Variants in MTA3 observed in about 807,000 individuals in gnomAD.
The protein encoded by MTA3 is metastasis-associated protein MTA3.
A neutral mutation model predicts 83.5 loss-of-function variants in MTA3; 34 were observed. The observed-to-expected ratio is 0.41, with a 90% CI of 0.31 to 0.54. MTA3 has a LOEUF of 0.54. Ranked by LOEUF, MTA3 falls within the 20% of genes least tolerant of loss-of-function variation. MTA3 has a pLI of 0.33. For synonymous variants in MTA3, 303 were observed against 252.7 expected (o/e 1.20, Z -1.89); for missense variants, 761 against 726.4 (o/e 1.05, Z -0.55).
intron 3 of MTA3, among the ~76,000 whole-genome samples, chr2:42,589,811 T>A (rs182699742): frequency 1.3e-5 from 2 of 152,308 alleles, no homozygotes; most frequent in African/African-American, 2.4e-5. Flanking sequence ...CTTTTTGATA[T>A]CTGGGTTAGA....
chr2:42,588,722 C>T (rs1004168198), intron 3 of MTA3, among the ~76,000 whole-genome samples: 16 of 151,648 alleles, frequency 1.1e-4, no homozygotes, highest in African/African-American at 3.1e-4. Context: ...GTGTTTTACC[C>T]GAGAAAGAGA....
In MTA3 at chr2:42,754,051, A is replaced by G. The variant is rs907562749; in HGVS notation, c.*652A>G. 2.0e-6 allele frequency: 2 copies of G among 985,492 alleles called. No individual in the cohort carries two copies. Among genetic ancestry groups the G allele is most frequent in the South Asian group, 9.4e-5 (2 of 21,298 alleles). 61.0% of individuals were successfully genotyped at this position (985,492 alleles called of 1,614,324 possible). ...GAACAGAATTACCGAGGTTCTGACA[A>G]AAGATAAGCCTGTAAACTCATCATC... On this transcript the variant is annotated 3_prime_UTR_variant, in exon 17 of 17. Coordinates refer to ENST00000405094, the MANE Select transcript of MTA3 (RefSeq NM_001330442.2).
At chr2:42,650,737 GT>G (rs1688644341) in intron 6 of MTA3, among the ~76,000 whole-genome samples, 1 of 152,112 alleles carries the variant, frequency 6.6e-6, no homozygotes, top group Non-Finnish European at 1.5e-5. Flanking sequence ...GATTGTGTTT[GT>G]TTTTATGGTA....
intron 8 of MTA3, among the ~76,000 whole-genome samples, chr2:42,666,397 G>A (rs1256956283): frequency 6.6e-6 from 1 of 152,146 alleles, no homozygotes; most frequent in Admixed American, 6.5e-5. Context: ...TGGTACTGTA[G>A]TCAACAAAAC....
intron 12 of MTA3, among the ~76,000 whole-genome samples, chr2:42,706,685 A>G (rs918898476): frequency 3.3e-5 from 5 of 152,230 alleles, no homozygotes; most frequent in African/African-American, 9.6e-5. Flanking sequence ...CTTCAGATCT[A>G]TCACACATGT....
chr2:42,618,714 C>T (rs958304841), intron 4 of MTA3, among the ~76,000 whole-genome samples: 2 of 152,032 alleles, frequency 1.3e-5, no homozygotes. Context: ...CTCAAGTGAT[C>T]CTCCTGCCTC....
rs575314148 is a variant in MTA3 at position 42,518,840 on chromosome 2, C to T, written c.-141+23586C>T. ...AATTAGCCAGGCATGGTGGGGCGAG[C>T]CTGTCGCCCCAGCTACTTGGGAGGC... On this transcript the variant is annotated intron_variant, in intron 2 of 17. Coordinates refer to the MTA3 transcript ENST00000405592. Among the ~76,000 whole-genome samples, 5 of 152,080 alleles carry T rather than the reference C, an allele frequency of 3.3e-5. No homozygotes were observed. In the East Asian group the frequency reaches 7.7e-4, roughly 24 times the overall value.
intron 3 of MTA3, among the ~76,000 whole-genome samples, chr2:42,607,103 T>TAG (rs1223992741): frequency 6.7e-6 from 1 of 150,060 alleles, no homozygotes; most frequent in Non-Finnish European, 1.5e-5. Context: ...GGGGTAGAGG[T>TAG]AGAGGTAGAG....
rs532573486 is a variant in MTA3, at chr2:42,520,646, T to C, written c.-141+25392T>C. ...TCCAGGCTGGAGTCCAGTGGCCTGA[T>C]CATGAACCTGCTGGGTTCAGGTGAT... On this transcript the variant is annotated intron_variant, in intron 2 of 17. Transcript: ENST00000405592. Among the ~76,000 whole-genome samples the C allele has an allele frequency of 6.6e-5, 10 of 151,998 alleles. No individual in the cohort carries two copies. In the South Asian group the frequency reaches 1.2e-3, roughly 19 times the overall value.
At chr2:42,555,439 G>C (rs1677332885) in intron 2 of MTA3, among the ~76,000 whole-genome samples, 2 of 120,504 alleles carry the variant, frequency 1.7e-5, no homozygotes, top group South Asian at 3.1e-4. Context: ...TGGGCAACAA[G>C]AGCGAAACTC....
intron 16 of MTA3, among the ~76,000 whole-genome samples, chr2:42,729,101 T>G (rs1056057096): frequency 1.6e-5 from 2 of 124,578 alleles, no homozygotes; most frequent in East Asian, 2.1e-4. Flanking sequence ...TTTTTTTTTT[T>G]TTTTTTTTTT....
intron 7 of MTA3, among the ~76,000 whole-genome samples, chr2:42,659,105 A>G (rs534690027): frequency 4.6e-5 from 7 of 152,220 alleles, no homozygotes; most frequent in Admixed American, 1.3e-4. Flanking sequence ...CTCAAAAAAT[A>G]AAAATAATAA....
At chr2:42,672,639 C>A (rs1240834144) in intron 8 of MTA3, among the ~76,000 whole-genome samples, 3 of 77,252 alleles carry the variant, frequency 3.9e-5, no homozygotes, top group African/African-American at 1.8e-4. Flanking sequence ...AGCAAGATTC[C>A]ATCTCCAAAA....
At chr2:42,540,405 C>T (rs1295829611) in intron 2 of MTA3, among the ~76,000 whole-genome samples, 1 of 151,842 alleles carries the variant, frequency 6.6e-6, no homozygotes, top group Non-Finnish European at 1.5e-5. Flanking sequence ...AACTCCTGGT[C>T]TCAAGCAATC....
intron 8 of MTA3, among the ~76,000 whole-genome samples, chr2:42,663,414 T>A (rs1248697103): frequency 6.6e-6 from 1 of 152,196 alleles, no homozygotes; most frequent in Non-Finnish European, 1.5e-5. Flanking sequence ...GAAGGTGATA[T>A]TTTAAAGAAG....
At chr2:42,505,142 C>T (rs1328366536) in intron 2 of MTA3, among the ~76,000 whole-genome samples, 3 of 152,020 alleles carry the variant, frequency 2.0e-5, no homozygotes, top group Non-Finnish European at 4.4e-5. Flanking sequence ...GACTGTAATC[C>T]CATCACTTTG....
chr2:42,664,463 T>A, intron 8 of MTA3, among the ~76,000 whole-genome samples: 1 of 117,462 alleles, frequency 8.5e-6, no homozygotes, highest in African/African-American at 3.3e-5. Context: ...TCACCCCGCT[T>A]ACCTTTTTTT....
At chr2:42,683,839 C>A (rs1692148352) in intron 9 of MTA3, among the ~76,000 whole-genome samples, 2 of 152,286 alleles carry the variant, frequency 1.3e-5, no homozygotes, top group South Asian at 4.1e-4. Context: ...CTTGTCCATT[C>A]AACACCTGCT....
chr2:42,589,872 T>C lies in MTA3; in HGVS notation c.190+10672T>C, dbSNP rs1404727909. On this transcript the variant is annotated intron_variant, in intron 3 of 16. Transcript: ENST00000405094. ...TTCTCTTTTGTCACCAATGGTCCCT[T>C]TGTTTGGTATCCTGGAGGTTTTTAC... is the stretch of plus-strand genomic sequence containing the variant. Among the ~76,000 whole-genome samples the C allele has an allele frequency of 2.6e-5, 4 of 152,118 alleles. No homozygotes were observed. In the East Asian group the frequency reaches 7.7e-4, roughly 29 times the overall value.
Sources: allele counts gnomAD v4.1 joint callset (sites outside exome capture counted in the v4.1 genomes callset), GRCh38; gene constraint gnomAD v4.1.1; transcripts MANE v1.5; gene names NCBI Gene and HGNC (gene_info 2026-07-23, HGNC 2026-07-21).